The following ARHGAP15 variants were observed in gnomAD, a reference collection of about 807,000 sequenced individuals.
ARHGAP15 encodes Rho GTPase activating protein 15, also known as rho GTPase-activating protein 15.
In ARHGAP15, 51 loss-of-function variants were observed where a neutral mutation model predicts 63.7. The ratio of observed to expected loss-of-function variants is 0.80; its 90% CI spans 0.64 to 1.01. The LOEUF is 1.01. Ranked by LOEUF, ARHGAP15 falls within the 50% of genes least tolerant of loss-of-function variation. The probability of loss-of-function intolerance (pLI) is 0.00; values close to 1 mark genes in which losing one functional copy is unlikely to be tolerated. For missense variants in ARHGAP15, 560 were observed against 564.6 expected (o/e 0.99, Z 0.08); for synonymous variants, 191 against 193.8 (o/e 0.99, Z 0.12).
intron 6 of ARHGAP15, among the ~76,000 whole-genome samples, chr2:143,432,941 C>A (rs1338265811): frequency 1.3e-5 from 2 of 151,936 alleles, no homozygotes; most frequent in Non-Finnish European, 2.9e-5. Context: ...TCCCCTTACC[C>A]CAGCATCTGT....
chr2:143,552,674 C>T (rs766286993), intron 10 of ARHGAP15, among the ~76,000 whole-genome samples: 12 of 152,092 alleles, frequency 7.9e-5, no homozygotes, highest in South Asian at 4.1e-4. Context: ...TGATGATGAA[C>T]GAATAAACAA....
intron 6 of ARHGAP15, among the ~76,000 whole-genome samples, chr2:143,363,152 C>T (rs1686136320): frequency 6.6e-6 from 1 of 152,210 alleles, no homozygotes; most frequent in Non-Finnish European, 1.5e-5. Flanking sequence ...CCCTTCTTTT[C>T]ACTTTGCTGT....
intron 6 of ARHGAP15, among the ~76,000 whole-genome samples, chr2:143,344,897 A>G (rs1685204252): frequency 6.6e-6 from 1 of 152,114 alleles, no homozygotes. Context: ...ATAACTAATG[A>G]GGAAGGCTGC....
chr2:143,633,653 C>A (rs1012245242), intron 12 of ARHGAP15, among the ~76,000 whole-genome samples: 6 of 152,278 alleles, frequency 3.9e-5, no homozygotes, highest in African/African-American at 1.4e-4. Context: ...ATCCTTACTT[C>A]TACTGAATAG....
chr2:143,396,951 C>T (rs1295880688), intron 6 of ARHGAP15, among the ~76,000 whole-genome samples: 1 of 152,064 alleles, frequency 6.6e-6, no homozygotes, highest in Non-Finnish European at 1.5e-5. Flanking sequence ...TATAGTGAGG[C>T]AATGACTCAC....
At chr2:143,588,790 A>G (rs1017580938) in intron 11 of ARHGAP15, among the ~76,000 whole-genome samples, 3 of 152,218 alleles carry the variant, frequency 2.0e-5, no homozygotes, top group East Asian at 1.9e-4. Context: ...GTGTTAAGCA[A>G]TAAATGATTC....
chr2:143,670,655 C>A (rs1682473660), intron 12 of ARHGAP15, among the ~76,000 whole-genome samples: 1 of 152,186 alleles, frequency 6.6e-6, no homozygotes, highest in Non-Finnish European at 1.5e-5. Context: ...CACCTTAGAC[C>A]AAATTTCTTT....
chr2:143,503,077 G>A (rs1354822645), intron 9 of ARHGAP15, among the ~76,000 whole-genome samples: 1 of 152,226 alleles, frequency 6.6e-6, no homozygotes, highest in African/African-American at 2.4e-5. Flanking sequence ...GCTGGGGAAA[G>A]CGTTAGCCTT....
At chr2:143,751,017 T>A (rs1686351105) in intron 13 of ARHGAP15, among the ~76,000 whole-genome samples, 1 of 152,180 alleles carries the variant, frequency 6.6e-6, no homozygotes, top group Non-Finnish European at 1.5e-5. Context: ...CCAGCTCTAT[T>A]TCTATTGGAA....
At chr2:143,678,299 T>G (rs1424373322) in intron 12 of ARHGAP15, among the ~76,000 whole-genome samples, 3 of 152,230 alleles carry the variant, frequency 2.0e-5, no homozygotes, top group African/African-American at 7.2e-5. Flanking sequence ...TACTTTCTTT[T>G]AGACCAAGCT....
chr2:143,735,869 T>C (rs1332243043), intron 13 of ARHGAP15, among the ~76,000 whole-genome samples: 1 of 152,210 alleles, frequency 6.6e-6, no homozygotes, highest in Non-Finnish European at 1.5e-5. Context: ...AAATGAAGGC[T>C]AACTCACATT....
chr2:143,142,592 A>T (rs539562390), intron 1 of ARHGAP15, among the ~76,000 whole-genome samples: 1 of 152,124 alleles, frequency 6.6e-6, no homozygotes, highest in Non-Finnish European at 1.5e-5. Context: ...TTTGAATCGC[A>T]TGATGTAGGT....
intron 13 of ARHGAP15, among the ~76,000 whole-genome samples, chr2:143,734,120 A>G (rs1453441556): frequency 6.6e-6 from 1 of 152,224 alleles, no homozygotes; most frequent in African/African-American, 2.4e-5. Flanking sequence ...TTAGATGTGC[A>G]TGAATGCTAA....
chr2:143,589,459 G>A (rs1307541587), intron 11 of ARHGAP15, among the ~76,000 whole-genome samples: 1 of 152,212 alleles, frequency 6.6e-6, no homozygotes, highest in African/African-American at 2.4e-5. Flanking sequence ...ATACAAAGAA[G>A]TAGACATTAT....
chr2:143,228,501 C>A, intron 4 of ARHGAP15, 80 bp from the exon 5 acceptor site: 1 of 891,878 alleles, frequency 1.1e-6, no homozygotes, highest in Non-Finnish European at 1.7e-6. Context: ...CTACTCATTC[C>A]AAATGTTGCT....
intron 1 of ARHGAP15, among the ~76,000 whole-genome samples, chr2:143,152,748 C>A (rs933067583): frequency 6.6e-6 from 1 of 151,856 alleles, no homozygotes; most frequent in Non-Finnish European, 1.5e-5. Flanking sequence ...AGCATCAAGT[C>A]AATGACCTTG....
chr2:143,476,519 T>G (rs1479675744), intron 8 of ARHGAP15, among the ~76,000 whole-genome samples: 1 of 152,214 alleles, frequency 6.6e-6, no homozygotes, highest in East Asian at 1.9e-4. Context: ...TGCATATGTG[T>G]GTGTGGAGCT....
chr2:143,192,447 T>C (rs566596054), intron 2 of ARHGAP15, among the ~76,000 whole-genome samples: 2 of 152,358 alleles, frequency 1.3e-5, no homozygotes, highest in East Asian at 3.9e-4. Context: ...AGCTTTAACA[T>C]ACCTTCCGGC....
intron 8 of ARHGAP15, among the ~76,000 whole-genome samples, chr2:143,453,688 C>G (rs754797767): frequency 6.6e-6 from 1 of 151,616 alleles, no homozygotes; most frequent in Non-Finnish European, 1.5e-5. Flanking sequence ...CTTCCTGAAC[C>G]ATGAGTCTGT....
Sources: allele counts gnomAD v4.1 joint callset (sites outside exome capture counted in the v4.1 genomes callset), GRCh38; gene constraint gnomAD v4.1.1; transcripts MANE v1.5; gene names NCBI Gene and HGNC (gene_info 2026-07-23, HGNC 2026-07-21).